Variants in TTC13 observed in about 807,000 individuals in gnomAD.
The protein encoded by TTC13 is tetratricopeptide repeat protein 13.
In TTC13, 62 loss-of-function variants were observed where a neutral mutation model predicts 120.0. That is an observed-to-expected ratio of 0.52 (90% CI 0.42 to 0.64). The LOEUF (loss-of-function observed/expected upper bound fraction) is 0.64. Ranked by LOEUF, TTC13 falls within the 30% of genes least tolerant of loss-of-function variation. The pLI is 0.00. For missense variants in TTC13, 824 were observed against 1,050.2 expected (o/e 0.78, Z 2.98); for synonymous variants, 384 against 393.5 (o/e 0.98, Z 0.28).
At position 230,978,294 on chromosome 1, in the gene TTC13, G is replaced by A. The variant is rs1209827231; in HGVS notation, c.271+266C>T. Among the ~76,000 whole-genome samples, 4 of 152,178 alleles carry A rather than the reference G, an allele frequency of 2.6e-5. No individual in the cohort carries two copies. The highest frequency in any genetic ancestry group is 5.9e-5 in the Non-Finnish European group (4 of 68,008). ...TCCAACAGTTGCTTCAGACTCAGGA[G>A]AGAGGCCGCCCTGGCCCCAGGAGCA... On this transcript the variant is annotated intron_variant, in intron 1 of 22. Transcript: ENST00000366661. The surrounding 1 kb of genome is among the most constrained non-coding windows in gnomAD (Gnocchi z 5.6).
chr1:230,936,036 G>T (rs1674020499), intron 8 of TTC13: 2 of 371,634 alleles, frequency 5.4e-6, no homozygotes, highest in South Asian at 4.0e-5. Context: ...AGGAGAAAGG[G>T]CAGCTGCAGG....
intron 22 of TTC13, 35 bp downstream of exon 22, chr1:230,908,677 T>C (rs377485756): frequency 1.9e-5 from 30 of 1,577,628 alleles, no homozygotes; most frequent in African/African-American, 2.7e-5. Flanking sequence ...CCTCCAGTTA[T>C]GATACCCTTG....
At chr1:230,948,732 C>T (rs1243229227) in intron 4 of TTC13, among the ~76,000 whole-genome samples, 1 of 152,076 alleles carries the variant, frequency 6.6e-6, no homozygotes, top group African/African-American at 2.4e-5. Flanking sequence ...TCAAGCAATC[C>T]TCCTGCTTCA....
At chr1:230,949,802 T>G (rs796087606) in intron 4 of TTC13, among the ~76,000 whole-genome samples, 1 of 152,116 alleles carries the variant, frequency 6.6e-6, no homozygotes, top group Non-Finnish European at 1.5e-5. Flanking sequence ...CCAGCCACCA[T>G]GCCCAGCTAA....
chr1:230,956,558 T>C (rs1399459921), intron 3 of TTC13: 1 of 400,044 alleles, frequency 2.5e-6, no homozygotes, highest in African/African-American at 2.1e-5. Flanking sequence ...AATCAGTAAA[T>C]ATCTGTTGAA....
chr1:230,926,323 C>T (rs1673047498), intron 12 of TTC13, among the ~76,000 whole-genome samples: 1 of 151,984 alleles, frequency 6.6e-6, no homozygotes, highest in Non-Finnish European at 1.5e-5. Context: ...TCCAAGGGTC[C>T]TCTCCCAAGG....
At chr1:230,917,087 A>G (rs573170418) in intron 17 of TTC13, among the ~76,000 whole-genome samples, 24 of 152,294 alleles carry the variant, frequency 1.6e-4, no homozygotes, top group Admixed American at 1.4e-3. Context: ...AGAAACAGAA[A>G]GATGCACCAG....
intron 3 of TTC13, among the ~76,000 whole-genome samples, chr1:230,957,825 G>GTAAAATAACTTAAAGTTTAAGT (rs67594077): frequency 4.5e-4 from 69 of 152,074 alleles, no homozygotes; most frequent in Non-Finnish European, 7.8e-4. Context: ...AGCCTCATGA[G>GTAAAATAACTTAAAGTTTAAGT]TAAAATAACT....
chr1:230,949,611 T>C (rs2102915945), intron 4 of TTC13, among the ~76,000 whole-genome samples: 1 of 151,394 alleles, frequency 6.6e-6, no homozygotes, highest in Middle Eastern at 3.4e-3. Flanking sequence ...CTGTAAAGTA[T>C]TTAGGTTTTC....
Position 230,949,848 on chromosome 1 carries a change from A to G in TTC13, c.514-4394T>C, listed in dbSNP as rs1182788086. On this transcript the variant is annotated intron_variant, in intron 4 of 22. Transcript: ENST00000366661. The stretch of plus-strand genomic sequence containing the variant: ...GTATTTTTAGTAGAGACGGGGTTTC[A>G]CCATGTTAGCCAGGATAGTCTCAAT... Among the ~76,000 whole-genome samples the G allele has an allele frequency of 2.0e-5, 3 of 152,066 alleles. No homozygotes were observed. In the East Asian group the frequency reaches 5.8e-4, roughly 30 times the overall value.
chr1:230,939,556 C>A, intron 7 of TTC13, 60 bp from the exon 8 acceptor site: 1 of 1,202,840 alleles, frequency 8.3e-7, no homozygotes, highest in Non-Finnish European at 1.2e-6. Context: ...GTGAACATTT[C>A]CTAATTTTTG....
At chr1:230,957,837 AAAGTTT>A (rs1213319141) in intron 3 of TTC13, among the ~76,000 whole-genome samples, 1 of 70,430 alleles carries the variant, frequency 1.4e-5, no homozygotes, top group African/African-American at 5.1e-5. Flanking sequence ...AAAATAACTT[AAAGTTT>A]AAGTTAAAAT....
chr1:230,962,329 G>A (rs978623663), intron 1 of TTC13, among the ~76,000 whole-genome samples: 4 of 152,102 alleles, frequency 2.6e-5, no homozygotes, highest in African/African-American at 9.7e-5. Flanking sequence ...TAGGCATTGA[G>A]CACATGAAAA....
chr1:230,949,469 T>C (rs1467238832), intron 4 of TTC13, among the ~76,000 whole-genome samples: 1 of 131,948 alleles, frequency 7.6e-6, no homozygotes, highest in African/African-American at 2.8e-5. Flanking sequence ...GACAACTTCC[T>C]AAAGGTAGCC....
At chr1:230,945,955 G>T (rs1050940999) in intron 4 of TTC13, among the ~76,000 whole-genome samples, 3 of 152,224 alleles carry the variant, frequency 2.0e-5, no homozygotes, top group African/African-American at 7.2e-5. Flanking sequence ...AAATCTGTTG[G>T]AGATTAATTC....
chr1:230,933,254 T>A (rs1021120819), intron 9 of TTC13, among the ~76,000 whole-genome samples: 13 of 151,730 alleles, frequency 8.6e-5, no homozygotes, highest in African/African-American at 3.1e-4. Context: ...ATTACAGGGA[T>A]GAGCCACCGC....
chr1:230,955,403 C>T (rs1675960312), intron 3 of TTC13, among the ~76,000 whole-genome samples: 1 of 152,028 alleles, frequency 6.6e-6, no homozygotes, highest in Non-Finnish European at 1.5e-5. Flanking sequence ...GTGGCTTACA[C>T]CTGTAATCCC....
At position 230,959,513 on chromosome 1, in the gene TTC13, C is replaced by G. The variant is rs889914711; in HGVS notation, c.367-1214G>C. Among the ~76,000 whole-genome samples the G allele has an allele frequency of 2.2e-4, 33 of 152,200 alleles. 1 individual carries two copies. Among genetic ancestry groups the G allele is most frequent in the Admixed American group, 5.9e-4 (9 of 15,278 alleles). On this transcript the variant is annotated intron_variant, in intron 2 of 22. Transcript: ENST00000366661. ...TCTCCTGCCTCAGCCTCCCAAGTAG[C>G]TGGGATTACAGGCATGCGCCACCAC... is the stretch of plus-strand genomic sequence containing the variant.
At chr1:230,919,260 CT>C (rs1300249519) in intron 17 of TTC13, among the ~76,000 whole-genome samples, 1 of 149,750 alleles carries the variant, frequency 6.7e-6, no homozygotes, top group Non-Finnish European at 1.5e-5. Context: ...AAGACCCTGT[CT>C]CAAAAAAAAA....
Sources: allele counts gnomAD v4.1 joint callset (sites outside exome capture counted in the v4.1 genomes callset), GRCh38; gene constraint gnomAD v4.1.1; non-coding constraint Gnocchi (gnomAD v3.1); transcripts MANE v1.5; gene names NCBI Gene and HGNC (gene_info 2026-07-23, HGNC 2026-07-21).